ERC2: variants seen among roughly 807,000 people sequenced by gnomAD.
ERC2 encodes the protein ELKS/RAB6-interacting/CAST family member 2.
In ERC2, 42 loss-of-function variants were observed where a neutral mutation model predicts 114.8. That is an observed-to-expected ratio of 0.37 (90% CI 0.29 to 0.47). ERC2 has a LOEUF of 0.47. Ranked by LOEUF, ERC2 falls within the 20% of genes least tolerant of loss-of-function variation. ERC2 has a pLI of 0.99. For missense variants in ERC2, 939 were observed against 1,150.7 expected, an observed-to-expected ratio of 0.82 and a Z score of 2.66; for synonymous variants, 454 against 425.5, an observed-to-expected ratio of 1.07 and a Z score of -0.82.
At chr3:55,621,285 G>A (rs993450297) in intron 17 of ERC2, among the ~76,000 whole-genome samples, 2 of 152,104 alleles carry the variant, frequency 1.3e-5, no homozygotes, top group Non-Finnish European at 2.9e-5. Flanking sequence ...CGCCCAGCTG[G>A]GAATGCCAGA....
intron 14 of ERC2, among the ~76,000 whole-genome samples, chr3:55,876,253 G>A (rs2062833757): frequency 6.6e-6 from 1 of 152,146 alleles, no homozygotes; most frequent in South Asian, 2.1e-4. Flanking sequence ...GACTTCACTT[G>A]ATAATATTTG....
At chr3:55,838,966 T>C (rs1178534537) in intron 14 of ERC2, among the ~76,000 whole-genome samples, 1 of 151,644 alleles carries the variant, frequency 6.6e-6, no homozygotes, top group Non-Finnish European at 1.5e-5. Context: ...GCAACAGAAA[T>C]TATAAACCCA....
chr3:55,569,773 G>T (rs1286900100), intron 17 of ERC2, among the ~76,000 whole-genome samples: 2 of 151,656 alleles, frequency 1.3e-5, no homozygotes, highest in Non-Finnish European at 2.9e-5. Context: ...AATTAATTGG[G>T]TTTGATGATC....
At chr3:55,761,384 C>G (rs938962175) in intron 14 of ERC2, among the ~76,000 whole-genome samples, 1 of 151,928 alleles carries the variant, frequency 6.6e-6, no homozygotes, top group Non-Finnish European at 1.5e-5. Context: ...TGTGCTTATA[C>G]TAAAAATGTA....
intron 12 of ERC2, among the ~76,000 whole-genome samples, chr3:55,960,825 C>T (rs1264446768): frequency 6.6e-6 from 1 of 151,728 alleles, no homozygotes; most frequent in East Asian, 1.9e-4. Context: ...CATTGGATCT[C>T]CACTGCCTGT....
intron 15 of ERC2, among the ~76,000 whole-genome samples, chr3:55,710,259 C>T (rs2063708980): frequency 6.6e-6 from 1 of 152,104 alleles, no homozygotes; most frequent in East Asian, 1.9e-4. Flanking sequence ...ACATCATTTG[C>T]AGGTCTCCCC....
rs1008701120 is a variant in ERC2 at position 56,281,350 on chromosome 3, T to C, written c.1074+14669A>G. The stretch of plus-strand genomic sequence containing the variant: ...TACTTGGGAGGCTGAGGCAGGAGAA[T>C]GGCGTGAACCCGGGAGGCGGAGCTT... On this transcript the variant is annotated intron_variant, in intron 3 of 17. Coordinates refer to ENST00000288221, the MANE Select transcript of ERC2 (RefSeq NM_015576.3). 2.9e-3 allele frequency among the ~76,000 whole-genome samples: 359 copies of C among 123,222 alleles called. 2 individuals are homozygous for C. The highest frequency in any genetic ancestry group is 0.01 in the African/African-American group (339 of 33,508). 80.8% of individuals were successfully genotyped at this position (123,222 alleles called of 152,430 possible).
At chr3:55,825,056 T>C (rs1411859510) in intron 14 of ERC2, among the ~76,000 whole-genome samples, 2 of 152,228 alleles carry the variant, frequency 1.3e-5, no homozygotes, top group African/African-American at 4.8e-5. Flanking sequence ...TTTATCATGA[T>C]GTATTTTAGT....
At chr3:55,608,800 T>G (rs2058756795) in intron 17 of ERC2, among the ~76,000 whole-genome samples, 1 of 152,206 alleles carries the variant, frequency 6.6e-6, no homozygotes, top group Non-Finnish European at 1.5e-5. Context: ...GCCAATTACC[T>G]CAATCATTGA....
intron 3 of ERC2, among the ~76,000 whole-genome samples, chr3:56,283,200 C>A (rs1223123008): frequency 6.6e-6 from 1 of 152,206 alleles, no homozygotes; most frequent in Non-Finnish European, 1.5e-5. Flanking sequence ...GTGCACCATT[C>A]TGTCCTTTAA....
intron 3 of ERC2, among the ~76,000 whole-genome samples, chr3:56,181,805 G>A (rs2083301055): frequency 6.6e-6 from 1 of 152,160 alleles, no homozygotes; most frequent in South Asian, 2.1e-4. Flanking sequence ...GATGGCAGCT[G>A]CCACATCATG....
At chr3:55,926,739 G>A (rs944338457) in intron 13 of ERC2, among the ~76,000 whole-genome samples, 8 of 151,998 alleles carry the variant, frequency 5.3e-5, no homozygotes, top group African/African-American at 1.4e-4. Context: ...CTCCAGCCAG[G>A]CAGCCCCTGG....
intron 2 of ERC2, among the ~76,000 whole-genome samples, chr3:56,307,311 C>T (rs888537422): frequency 6.6e-6 from 1 of 152,230 alleles, no homozygotes; most frequent in Non-Finnish European, 1.5e-5. Context: ...AGTAAAGAAG[C>T]AACCTGAATC....
At chr3:55,532,385 G>C (rs2053724476) in intron 17 of ERC2, among the ~76,000 whole-genome samples, 1 of 152,126 alleles carries the variant, frequency 6.6e-6, no homozygotes, top group Non-Finnish European at 1.5e-5. Flanking sequence ...CCAGCAACAG[G>C]GACTAAGCTG....
chr3:56,440,807 T>C (rs1264962688), intron 1 of ERC2, among the ~76,000 whole-genome samples: 1 of 152,222 alleles, frequency 6.6e-6, no homozygotes, highest in African/African-American at 2.4e-5. Context: ...TTTTTCTCCA[T>C]GTTTTATCTT....
At chr3:55,820,301 T>C (rs538465305) in intron 14 of ERC2, among the ~76,000 whole-genome samples, 4 of 152,216 alleles carry the variant, frequency 2.6e-5, no homozygotes, top group South Asian at 2.1e-4. Flanking sequence ...CCTGATGACA[T>C]TGAGTAATGC....
At chr3:56,215,572 T>C (rs1431437441) in intron 3 of ERC2, among the ~76,000 whole-genome samples, 1 of 152,086 alleles carries the variant, frequency 6.6e-6, no homozygotes, top group Non-Finnish European at 1.5e-5. Flanking sequence ...CTGTCAACAT[T>C]AGACAGATCA....
At chr3:56,205,287 G>C (rs368993562) in intron 3 of ERC2, among the ~76,000 whole-genome samples, 3 of 152,210 alleles carry the variant, frequency 2.0e-5, no homozygotes, top group African/African-American at 7.2e-5. Flanking sequence ...AATCATGTGT[G>C]ACAATACGTA....
chr3:56,038,480 T>C (rs1015597923), intron 7 of ERC2, among the ~76,000 whole-genome samples: 7 of 152,216 alleles, frequency 4.6e-5, no homozygotes, highest in African/African-American at 1.7e-4. Context: ...TTTACATTGT[T>C]GGTGGGAATG....
Sources: allele counts gnomAD v4.1 joint callset (sites outside exome capture counted in the v4.1 genomes callset), GRCh38; gene constraint gnomAD v4.1.1; transcripts MANE v1.5; gene names NCBI Gene and HGNC (gene_info 2026-07-23, HGNC 2026-07-21).